KCNIP4: variants seen among roughly 807,000 people sequenced by gnomAD.
The protein encoded by KCNIP4 is Kv channel-interacting protein 4.
Under a neutral mutation model 34.0 loss-of-function variants are expected in KCNIP4, and 12 were observed. The ratio of observed to expected loss-of-function variants is 0.35; its 90% CI spans 0.23 to 0.57. The LOEUF (loss-of-function observed/expected upper bound fraction) is 0.57. KCNIP4 is among the 20% of genes least tolerant of loss of function. The pLI is 0.83. For missense variants in KCNIP4, 238 were observed against 311.7 expected (o/e 0.76, Z 1.78); for synonymous variants, 124 against 102.2 (o/e 1.21, Z -1.29).
chr4:21,927,332 T>A (rs771900371), intron 1 of KCNIP4, among the ~76,000 whole-genome samples: 1 of 152,160 alleles, frequency 6.6e-6, no homozygotes, highest in African/African-American at 2.4e-5. Flanking sequence ...GTTCCAGGAA[T>A]AAGGAATATG....
At chr4:21,937,416 C>T (rs1729920580) in intron 1 of KCNIP4, among the ~76,000 whole-genome samples, 1 of 151,956 alleles carries the variant, frequency 6.6e-6, no homozygotes, top group Non-Finnish European at 1.5e-5. Flanking sequence ...TTTCTCTTGC[C>T]TAGACTAATG....
intron 5 of KCNIP4, among the ~76,000 whole-genome samples, chr4:20,746,860 A>G (rs1752523841): frequency 6.6e-6 from 1 of 152,126 alleles, no homozygotes; most frequent in African/African-American, 2.4e-5. Flanking sequence ...TTATCGTAGA[A>G]TCAGATGGTC....
At chr4:21,508,937 A>T (rs1236660395) in intron 1 of KCNIP4, among the ~76,000 whole-genome samples, 1 of 152,148 alleles carries the variant, frequency 6.6e-6, no homozygotes, top group East Asian at 1.9e-4. Context: ...TATTCCTAAC[A>T]TGGACACCTT....
At chr4:21,416,401 C>T (rs1292901047) in intron 1 of KCNIP4, among the ~76,000 whole-genome samples, 1 of 152,044 alleles carries the variant, frequency 6.6e-6, no homozygotes, top group Non-Finnish European at 1.5e-5. Context: ...TTATTTTCTC[C>T]TTCTGCAGGC....
At chr4:21,276,357 TTC>T (rs1249761192) in intron 1 of KCNIP4, among the ~76,000 whole-genome samples, 1 of 138,514 alleles carries the variant, frequency 7.2e-6, no homozygotes, top group Non-Finnish European at 1.5e-5. Context: ...AACTGAGATT[TTC>T]TCTTTTTTTT....
intron 1 of KCNIP4, among the ~76,000 whole-genome samples, chr4:21,136,415 C>T (rs1751504098): frequency 6.6e-6 from 1 of 152,088 alleles, no homozygotes; most frequent in Admixed American, 6.5e-5. Context: ...CGGATATTAC[C>T]ACACTAAAAT....
intron 1 of KCNIP4, among the ~76,000 whole-genome samples, chr4:21,586,333 T>C (rs1352405370): frequency 1.3e-5 from 2 of 152,060 alleles, no homozygotes; most frequent in African/African-American, 2.4e-5. Flanking sequence ...TGGCTCATTG[T>C]AGGTGCTCAG....
intron 1 of KCNIP4, among the ~76,000 whole-genome samples, chr4:21,105,007 A>G (rs1340252724): frequency 6.6e-6 from 1 of 151,692 alleles, no homozygotes; most frequent in Non-Finnish European, 1.5e-5. Flanking sequence ...GCCTTGTAGT[A>G]TAGTCTGAAG....
chr4:21,607,369 T>G (rs1191880978), intron 1 of KCNIP4, among the ~76,000 whole-genome samples: 1 of 152,132 alleles, frequency 6.6e-6, no homozygotes. Flanking sequence ...GTCCACCTAC[T>G]TTATCAAGAT....
intron 1 of KCNIP4, among the ~76,000 whole-genome samples, chr4:21,209,668 A>G (rs1757095962): frequency 6.6e-6 from 1 of 151,992 alleles, no homozygotes; most frequent in Non-Finnish European, 1.5e-5. Flanking sequence ...TGGCTCCCCA[A>G]TATGGCTGTT....
At chr4:21,148,229 A>G (rs1362879669) in intron 1 of KCNIP4, among the ~76,000 whole-genome samples, 1 of 152,152 alleles carries the variant, frequency 6.6e-6, no homozygotes, top group Non-Finnish European at 1.5e-5. Flanking sequence ...CTAAGGAACT[A>G]TATGCTTTAT....
intron 1 of KCNIP4, among the ~76,000 whole-genome samples, chr4:21,469,579 AC>A (rs531693142): frequency 1.2e-4 from 19 of 152,338 alleles, no homozygotes; most frequent in African/African-American, 4.3e-4. Flanking sequence ...AACTTGGGAA[AC>A]AAAAATGCTT....
At chr4:21,208,250 C>A (rs1405419265) in intron 1 of KCNIP4, among the ~76,000 whole-genome samples, 1 of 152,140 alleles carries the variant, frequency 6.6e-6, no homozygotes, top group Non-Finnish European at 1.5e-5. Flanking sequence ...TATGTCTAGA[C>A]CCCTTGTACT....
intron 1 of KCNIP4, among the ~76,000 whole-genome samples, chr4:21,650,865 C>A (rs1463606820): frequency 2.6e-5 from 4 of 152,130 alleles, no homozygotes; most frequent in Non-Finnish European, 4.4e-5. Context: ...GAATTTAGTT[C>A]TTTGCAATTG....
At chr4:21,367,284 T>G (rs1490262484) in intron 1 of KCNIP4, among the ~76,000 whole-genome samples, 1 of 152,222 alleles carries the variant, frequency 6.6e-6, no homozygotes, top group Non-Finnish European at 1.5e-5. Context: ...CAAATTAACA[T>G]GCATGGACTG....
intron 1 of KCNIP4, among the ~76,000 whole-genome samples, chr4:21,672,692 CT>C (rs1207423044): frequency 3.3e-5 from 5 of 152,208 alleles, no homozygotes; most frequent in African/African-American, 1.2e-4. Context: ...TCCAGGTGTC[CT>C]TTGTGTAACA....
At chr4:21,607,303 T>A (rs552905448) in intron 1 of KCNIP4, among the ~76,000 whole-genome samples, 7 of 152,124 alleles carry the variant, frequency 4.6e-5, no homozygotes, top group Admixed American at 4.6e-4. Context: ...AATGTGTTAA[T>A]ATATGAAATG....
intron 1 of KCNIP4, among the ~76,000 whole-genome samples, chr4:21,778,236 C>CTTTTTTTTTT (rs71655659): frequency 5.1e-4 from 13 of 25,734 alleles, no homozygotes; most frequent in East Asian, 9.3e-4. Flanking sequence ...TTTTTTTTTT[C>CTTTTTTTTTT]TTTTTTTTTT....
At chr4:21,387,845 T>A (rs1438215743) in intron 1 of KCNIP4, among the ~76,000 whole-genome samples, 1 of 152,304 alleles carries the variant, frequency 6.6e-6, no homozygotes, top group Middle Eastern at 3.4e-3. Flanking sequence ...CATTGCGAAA[T>A]GTCAGCCATT....
Sources: gnomAD v4.1 joint callset for allele counts (sites outside exome capture counted in the v4.1 genomes callset) on GRCh38, gnomAD v4.1.1 for gene constraint, MANE v1.5 for transcripts, NCBI Gene and HGNC (gene_info 2026-07-23, HGNC 2026-07-21) for gene names.